The following RBFOX1 variants were observed in gnomAD, a reference collection of about 807,000 sequenced individuals.
RBFOX1 encodes RNA binding protein fox-1 homolog 1.
RBFOX1 carries 8 observed loss-of-function variants against 57.7 expected under a neutral mutation model. The ratio of observed to expected loss-of-function variants is 0.14; its 90% CI spans 0.08 to 0.25. The LOEUF is 0.25. RBFOX1 is among the 10% of genes least tolerant of loss of function. The probability of loss-of-function intolerance (pLI) is 1.00; values close to 1 mark genes in which losing one functional copy is unlikely to be tolerated. For synonymous variants in RBFOX1, 326 were observed against 222.4 expected (o/e 1.47, Z -4.15); for missense variants, 611 against 548.5 (o/e 1.11, Z -1.14).
At chr16:6,955,679 A>T (rs925489456) in intron 3 of RBFOX1, among the ~76,000 whole-genome samples, 1 of 105,504 alleles carries the variant, frequency 9.5e-6, no homozygotes, top group South Asian at 3.0e-4. Context: ...TTATTTATTT[A>T]GGTATGTATG....
At chr16:6,239,642 C>T (rs908396841) in intron 1 of RBFOX1, among the ~76,000 whole-genome samples, 1 of 151,712 alleles carries the variant, frequency 6.6e-6, no homozygotes, top group Admixed American at 6.6e-5. Flanking sequence ...GGACTACAGG[C>T]ACCCACCACC....
In RBFOX1 at chr16:7,500,950, G is replaced by C. The variant is rs1567532640; in HGVS notation, c.28-17197G>C. Among the ~76,000 whole-genome samples, 3 of 152,252 alleles carry C rather than the reference G, an allele frequency of 2.0e-5. No homozygotes were observed. The East Asian group carries it at 5.8e-4, about 29-fold the overall frequency. On this transcript the variant is annotated intron_variant, in intron 4 of 15. Transcript: ENST00000550418. The stretch of plus-strand genomic sequence containing the variant: ...CATGAGATCTGATGGGTTTATATGA[G>C]GCTTTCCCCCTGCTTTGCTCGGCCC...
chr16:6,308,830 G>A (rs984474068), intron 1 of RBFOX1, among the ~76,000 whole-genome samples: 1 of 152,112 alleles, frequency 6.6e-6, no homozygotes, highest in Non-Finnish European at 1.5e-5. Flanking sequence ...GGATGTAGAG[G>A]AACACCAAAA....
In RBFOX1 at chr16:7,453,687, G is replaced by C. The variant is rs1049892817; in HGVS notation, c.28-64460G>C. On this transcript the variant is annotated intron_variant, in intron 4 of 15. Transcript: ENST00000550418. ...CATGCCAAGCACTGGTCAAGGTACT[G>C]AGGGTGCCTGAGTGTAAGACAGCAT... Among the ~76,000 whole-genome samples the C allele has an allele frequency of 4.6e-5, 7 of 152,274 alleles. No individual in the cohort carries two copies. The East Asian group carries it at 1.2e-3, about 25-fold the overall frequency.
chr16:6,754,105 C>T (rs1049555549), intron 3 of RBFOX1, among the ~76,000 whole-genome samples: 2 of 152,176 alleles, frequency 1.3e-5, no homozygotes, highest in East Asian at 3.9e-4. Context: ...GTATTTTGAG[C>T]AGTGCAAAGA....
chr16:5,990,847 G>A (rs571295742), intron 4 of RBFOX1, among the ~76,000 whole-genome samples: 4 of 152,090 alleles, frequency 2.6e-5, no homozygotes, highest in South Asian at 2.1e-4. Context: ...GGTGGTGCAC[G>A]CCTGTAGTCC....
chr16:5,734,288 C>T (rs1359736151), intron 3 of RBFOX1, among the ~76,000 whole-genome samples: 2 of 151,780 alleles, frequency 1.3e-5, no homozygotes, highest in Admixed American at 6.6e-5. Flanking sequence ...ACAGAGACCC[C>T]ACGTCTACAC....
chr16:5,851,032 C>T (rs985502349), intron 3 of RBFOX1, among the ~76,000 whole-genome samples: 1 of 152,208 alleles, frequency 6.6e-6, no homozygotes, highest in Non-Finnish European at 1.5e-5. Context: ...TGATTCCAGC[C>T]TCCCTGTGGG....
At chr16:7,700,307 C>T (rs528309025) in intron 14 of RBFOX1, among the ~76,000 whole-genome samples, 1 of 152,238 alleles carries the variant, frequency 6.6e-6, no homozygotes, top group South Asian at 2.1e-4. Flanking sequence ...CTCCTCTCAC[C>T]CTCACTGTAG....
chr16:6,467,032 TATTA>T (rs1328315415), intron 2 of RBFOX1, among the ~76,000 whole-genome samples: 3 of 151,198 alleles, frequency 2.0e-5, no homozygotes, highest in South Asian at 2.1e-4. Flanking sequence ...TTATTTAATA[TATTA>T]ATTACGTGTA....
At chr16:7,113,585 G>A (rs778809430) in intron 4 of RBFOX1, among the ~76,000 whole-genome samples, 51 of 152,274 alleles carry the variant, frequency 3.3e-4, no homozygotes, top group Non-Finnish European at 6.0e-4. Flanking sequence ...GCCACATGAT[G>A]AATGTATGCA....
At position 6,790,400 on chromosome 16, in the gene RBFOX1, G is replaced by A. The variant is rs144040377; in HGVS notation, c.-16+135750G>A. On this transcript the variant is annotated intron_variant, in intron 3 of 15. Coordinates refer to ENST00000550418, the MANE Select transcript of RBFOX1 (RefSeq NM_018723.4). ...GGGTTTCACCATGTTTGCCTGGCTG[G>A]TCTTGAACTCCTGACCTCAGGTGAT... Among the ~76,000 whole-genome samples the A allele has an allele frequency of 5.8e-4, 88 of 152,106 alleles. 1 individual carries two copies. The East Asian group carries it at 0.016, about 28-fold the overall frequency.
intron 4 of RBFOX1, among the ~76,000 whole-genome samples, chr16:7,243,184 A>C (rs1318329905): frequency 6.6e-6 from 1 of 152,206 alleles, no homozygotes; most frequent in Non-Finnish European, 1.5e-5. Flanking sequence ...AATGTTCAGC[A>C]AACACATATT....
chr16:5,245,698 C>T (rs1966852318), intron 1 of RBFOX1, among the ~76,000 whole-genome samples: 1 of 152,104 alleles, frequency 6.6e-6, no homozygotes, highest in Admixed American at 6.5e-5. Flanking sequence ...TCCCAAAGTG[C>T]TGGGATTATA....
chr16:6,759,884 C>G (rs1464124756), intron 3 of RBFOX1, among the ~76,000 whole-genome samples: 1 of 152,084 alleles, frequency 6.6e-6, no homozygotes, highest in Non-Finnish European at 1.5e-5. Flanking sequence ...CTGATGAAAT[C>G]AAGTATGGTA....
At chr16:6,645,632 C>G (rs899795995) in intron 2 of RBFOX1, among the ~76,000 whole-genome samples, 1 of 152,140 alleles carries the variant, frequency 6.6e-6, no homozygotes. Flanking sequence ...TGTCTAAAAT[C>G]TCAAAGAACC....
At chr16:7,060,851 G>C (rs933387597) in intron 4 of RBFOX1, among the ~76,000 whole-genome samples, 2 of 152,150 alleles carry the variant, frequency 1.3e-5, no homozygotes, top group Non-Finnish European at 2.9e-5. Flanking sequence ...GCATTCCTCT[G>C]TAAGCATGAA....
intron 2 of RBFOX1, among the ~76,000 whole-genome samples, chr16:6,550,967 A>C (rs781319842): frequency 6.6e-6 from 1 of 152,180 alleles, no homozygotes; most frequent in African/African-American, 2.4e-5. Context: ...ATGGGAATAC[A>C]AGTGTGGGCA....
chr16:6,703,603 A>T (rs985040926), intron 3 of RBFOX1, among the ~76,000 whole-genome samples: 2 of 152,086 alleles, frequency 1.3e-5, no homozygotes, highest in African/African-American at 2.4e-5. Flanking sequence ...CTGACTTGGG[A>T]GGCTGAGGTG....
Sources: gnomAD v4.1 joint callset for allele counts (sites outside exome capture counted in the v4.1 genomes callset) on GRCh38, gnomAD v4.1.1 for gene constraint, MANE v1.5 for transcripts, NCBI Gene and HGNC (gene_info 2026-07-23, HGNC 2026-07-21) for gene names.